The following UBQLN4 variants were observed in gnomAD, a reference collection of about 807,000 sequenced individuals.
The protein encoded by UBQLN4 is ubiquilin 4, also known as ubiquilin-4.
In UBQLN4, 11 loss-of-function variants were observed where a neutral mutation model predicts 60.4. The observed-to-expected ratio is 0.18, with a 90% CI of 0.11 to 0.30. The LOEUF is 0.30. UBQLN4 is among the 10% of genes least tolerant of loss of function. UBQLN4 has a pLI of 1.00. For synonymous variants in UBQLN4, 258 were observed against 313.1 expected (o/e 0.82, Z 1.86); for missense variants, 417 against 795.5 (o/e 0.52, Z 5.72).
At chr1:156,046,333 CA>C (rs767622665) in intron 5 of UBQLN4, among the ~76,000 whole-genome samples, 78,602 of 117,390 alleles carry the variant, frequency 0.67, 25,659 homozygotes, top group Middle Eastern at 0.82. Context: ...ACTAATAATA[CA>C]AAAAAAAAAA....
chr1:156,045,233 G>A (rs1683667634), intron 5 of UBQLN4, among the ~76,000 whole-genome samples: 1 of 152,122 alleles, frequency 6.6e-6, no homozygotes, highest in African/African-American at 2.4e-5. Context: ...ATGGGGACCG[G>A]GGCTAACCAA....
chr1:156,052,009 CA>C (rs1683884311), intron 1 of UBQLN4, 152 bp from the exon 2 acceptor site: 2 of 885,336 alleles, frequency 2.3e-6, no homozygotes, highest in African/African-American at 3.4e-5. Context: ...CCTCCAGCTG[CA>C]ATAAGCATCT....
At position 156,048,934 on chromosome 1, in the gene UBQLN4, CAG is replaced by C. The variant is rs1157493986; in HGVS notation, c.742-277_742-276del. Among the ~76,000 whole-genome samples, 1 of 152,144 alleles carries C rather than the reference CAG, an allele frequency of 6.6e-6. No homozygotes were observed. The highest frequency in any genetic ancestry group is 1.5e-5 in the Non-Finnish European group (1 of 68,032). ...GGCAGCAGCTTCCCTCCCTTAGGCT[CAG>C]AGTGTCCAAAGAAGTGTCAGGGTGC... On this transcript the variant is annotated intron_variant, in intron 4 of 10. Transcript: ENST00000368309. The surrounding 1 kb of genome is among the most constrained non-coding windows in gnomAD (Gnocchi z 4.9).
At chr1:156,053,171 C>T (rs1683923442) in intron 1 of UBQLN4, among the ~76,000 whole-genome samples, 1 of 152,150 alleles carries the variant, frequency 6.6e-6, no homozygotes, top group East Asian at 1.9e-4. Flanking sequence ...AAATCCTCCC[C>T]CGACAGCCCC....
chr1:156,044,387 C>T (rs891151599), intron 5 of UBQLN4, among the ~76,000 whole-genome samples, 164 bp from the exon 6 acceptor site: 1 of 152,154 alleles, frequency 6.6e-6, no homozygotes, highest in African/African-American at 2.4e-5. Flanking sequence ...CAATGGATAG[C>T]TCCTTCCTTG....
chr1:156,051,934 CCTT>C (rs1319131269), intron 1 of UBQLN4, 77 bp from the exon 2 acceptor site: 27 of 1,569,346 alleles, frequency 1.7e-5, no homozygotes, highest in Non-Finnish European at 2.3e-5. Flanking sequence ...TTTTTCAACA[CCTT>C]CTGCACTCTC....
At chr1:156,039,558 T>A (rs1683493328) in intron 10 of UBQLN4, among the ~76,000 whole-genome samples, 1 of 152,036 alleles carries the variant, frequency 6.6e-6, no homozygotes, top group African/African-American at 2.4e-5. Flanking sequence ...AGCTTGGCTT[T>A]TCATTCTTGT....
intron 5 of UBQLN4, 112 bp from the exon 6 acceptor site, chr1:156,044,335 G>T: frequency 1.0e-6 from 1 of 975,878 alleles, no homozygotes. Context: ...AAGGGAGAGA[G>T]ATCTAAGACC....
intron 6 of UBQLN4, among the ~76,000 whole-genome samples, chr1:156,043,162 G>A (rs1449690081): frequency 6.6e-6 from 1 of 152,170 alleles, no homozygotes; most frequent in African/African-American, 2.4e-5. Context: ...AACTGGGTCT[G>A]ATTTATGCCT....
Position 156,040,288 on chromosome 1 carries a change from C to T in UBQLN4, c.1653+1197G>A, listed in dbSNP as rs535352359. Reference sequence around the variant, plus strand: ...GCGCGTGCCTGTAATCCCAGCTACTCGGGAGGTTGAGGCAGGAGAATGGCT... The same window carrying T: ...GCGCGTGCCTGTAATCCCAGCTACTTGGGAGGTTGAGGCAGGAGAATGGCT... On this transcript the variant is annotated intron_variant, in intron 10 of 10. Coordinates refer to ENST00000368309, the MANE Select transcript of UBQLN4 (RefSeq NM_020131.5). 5.3e-5 allele frequency among the ~76,000 whole-genome samples: 8 copies of T among 151,394 alleles called. No homozygotes were observed. The East Asian group carries it at 1.2e-3, about 22-fold the overall frequency.
At chr1:156,051,682 G>A in intron 2 of UBQLN4, 24 bp downstream of exon 2, 7 of 1,611,952 alleles carry the variant, frequency 4.3e-6, no homozygotes, top group Non-Finnish European at 5.9e-6. Flanking sequence ...TCAGAAGCTG[G>A]ATCTGCTCTG....
intron 6 of UBQLN4, among the ~76,000 whole-genome samples, chr1:156,043,394 A>T (rs1471960875): frequency 1.3e-5 from 2 of 152,154 alleles, no homozygotes; most frequent in African/African-American, 4.8e-5. Flanking sequence ...CCTTTCCAGG[A>T]TGCAGGAGCA....
intron 10 of UBQLN4, among the ~76,000 whole-genome samples, chr1:156,037,463 T>C (rs971765229): frequency 1.3e-5 from 2 of 152,120 alleles, no homozygotes; most frequent in South Asian, 2.1e-4. Flanking sequence ...GGTGTGGTGG[T>C]GGGCGCCCTG....
chr1:156,033,213 G>A (rs935953872), downstream of UBQLN4: 5 of 985,348 alleles, frequency 5.1e-6, no homozygotes, highest in South Asian at 2.3e-4. Flanking sequence ...GGGTGAGACT[G>A]ACTCAGCTGT....
rs1416807258 is a variant in UBQLN4, at chr1:156,035,751, C to G, written c.*1227G>C. ...GGGTACCCACATTACCTCTGGGTTA[C>G]CCAGCATCCAGAGCCCCAAGGGACC... is the stretch of plus-strand genomic sequence containing the variant. On this transcript the variant is annotated 3_prime_UTR_variant, in exon 11 of 11. Coordinates refer to ENST00000368309, the MANE Select transcript of UBQLN4 (RefSeq NM_020131.5). The G allele has an allele frequency of 1.0e-5, 10 of 985,364 alleles. No homozygotes were observed. Among genetic ancestry groups the G allele is most frequent in the Non-Finnish European group, 1.2e-5 (10 of 829,964 alleles). 61.0% of individuals were successfully genotyped at this position (985,364 alleles called of 1,614,324 possible). A position where few individuals can be genotyped will look rare whatever the true frequency, so the allele number is the denominator to read the frequency against.
At position 156,036,796 on chromosome 1, in the gene UBQLN4, T is replaced by C; in HGVS notation, c.*182A>G. The C allele has an allele frequency of 6.8e-7, 1 of 1,473,606 alleles. No homozygotes were observed. The highest frequency in any genetic ancestry group is 9.0e-7 in the Non-Finnish European group (1 of 1,114,714). 91.3% of individuals were successfully genotyped at this position (1,473,606 alleles called of 1,614,324 possible). On this transcript the variant is annotated 3_prime_UTR_variant, in exon 11 of 11. Coordinates refer to ENST00000368309, the MANE Select transcript of UBQLN4 (RefSeq NM_020131.5). ...GAAGAGTCTGTTAGAGACGTAGCAG[T>C]AAAACCATAATTCTCAGACAGAGCT...
In UBQLN4 at chr1:156,036,028, T is replaced by C; in HGVS notation, c.*950A>G. On this transcript the variant is annotated 3_prime_UTR_variant, in exon 11 of 11. Transcript: ENST00000368309. ...CAAGCAAGACCTGGGTCCATGGAAATGTGTGTGTGTGTGCATATAAGCACA... is the reference window on the plus strand; with the variant it reads ...CAAGCAAGACCTGGGTCCATGGAAACGTGTGTGTGTGTGCATATAAGCACA... 1.0e-6 allele frequency: 1 copy of C among 983,026 alleles called. No individual in the cohort carries two copies. The allele number at this position is 983,026 out of a possible 1,614,324, so 60.9% of individuals were successfully genotyped here.
At position 156,042,139 on chromosome 1, in the gene UBQLN4, G is replaced by A; in HGVS notation, c.1350+14C>T. On this transcript the variant is annotated intron_variant, in intron 8 of 10. Coordinates refer to ENST00000368309, the MANE Select transcript of UBQLN4 (RefSeq NM_020131.5). Reference sequence around the variant, plus strand: ...CTTGCCCTCAACCTCCACCCATCTAGGCTCCTCACTCACCTGCTGCAGGAA... The same window carrying A: ...CTTGCCCTCAACCTCCACCCATCTAAGCTCCTCACTCACCTGCTGCAGGAA... 1 of 1,605,782 alleles carries A rather than the reference G, an allele frequency of 6.2e-7. No homozygotes were observed. Among genetic ancestry groups the A allele is most frequent in the Non-Finnish European group, 8.5e-7 (1 of 1,177,164 alleles).
Position 156,039,943 on chromosome 1 carries a change from A to C in UBQLN4, c.1653+1542T>G, listed in dbSNP as rs867746727. 6.8e-3 allele frequency among the ~76,000 whole-genome samples: 1,025 copies of C among 149,946 alleles called. 5 individuals carry two copies. Among genetic ancestry groups the C allele is most frequent in the African/African-American group, 0.024 (981 of 40,818 alleles). ...CAGAGCGAGACTCCGTCTCAAAAAA[A>C]AAAAAAAAAAAAAAAAAGACTCTTA... is the stretch of plus-strand genomic sequence containing the variant. On this transcript the variant is annotated intron_variant, in intron 10 of 10. Coordinates refer to ENST00000368309, the MANE Select transcript of UBQLN4 (RefSeq NM_020131.5).
Sources: allele counts gnomAD v4.1 joint callset (sites outside exome capture counted in the v4.1 genomes callset), GRCh38; gene constraint gnomAD v4.1.1; non-coding constraint Gnocchi (gnomAD v3.1); transcripts MANE v1.5; gene names NCBI Gene and HGNC (gene_info 2026-07-23, HGNC 2026-07-21).